Variants in DLGAP2 observed in about 807,000 individuals in gnomAD.
DLGAP2 encodes the protein disks large-associated protein 2.
DLGAP2 carries 26 observed loss-of-function variants against 100.3 expected under a neutral mutation model. That is an observed-to-expected ratio of 0.26 (90% CI 0.19 to 0.36). The LOEUF (loss-of-function observed/expected upper bound fraction) is 0.36. Ranked by LOEUF, DLGAP2 falls within the 10% of genes least tolerant of loss-of-function variation. The pLI is 1.00. For missense variants in DLGAP2, 1,858 were observed against 1,453.2 expected (o/e 1.28, Z -4.53); for synonymous variants, 886 against 630.1 (o/e 1.41, Z -6.08).
chr8:945,714 A>G (rs1799300593), intron 2 of DLGAP2, among the ~76,000 whole-genome samples: 1 of 152,184 alleles, frequency 6.6e-6, no homozygotes. Flanking sequence ...TTTATTGGGA[A>G]CATTTACAGG....
chr8:883,501 T>C lies in DLGAP2; in HGVS notation c.19-24411T>C, dbSNP rs936596010. Among the ~76,000 whole-genome samples the C allele has an allele frequency of 7.2e-5, 11 of 152,086 alleles. No individual in the cohort carries two copies. The South Asian group carries it at 8.3e-4, about 11-fold the overall frequency. On this transcript the variant is annotated intron_variant, in intron 1 of 14. Coordinates refer to ENST00000637795, the MANE Select transcript of DLGAP2 (RefSeq NM_001346810.2). ...ATATGCAAATGCATATTCTTTTTTT[T>C]CCCTTAATTTCTTCTTAAAAAAAAA...
At chr8:1,312,303 C>G (rs181207079) in intron 3 of DLGAP2, among the ~76,000 whole-genome samples, 52 of 152,270 alleles carry the variant, frequency 3.4e-4, no homozygotes, top group African/African-American at 1.1e-3. Flanking sequence ...GAGACCGCAC[C>G]GAAGGCACCT....
chr8:748,947 C>T (rs1820720556), intron 1 of DLGAP2, among the ~76,000 whole-genome samples: 1 of 152,238 alleles, frequency 6.6e-6, no homozygotes, highest in Non-Finnish European at 1.5e-5. Context: ...ATTTTGCTCT[C>T]TCTGTATCTG....
intron 2 of DLGAP2, among the ~76,000 whole-genome samples, chr8:1,232,852 G>C (rs981579798): frequency 3.9e-5 from 6 of 152,192 alleles, no homozygotes; most frequent in African/African-American, 1.2e-4. Flanking sequence ...GTGGCTTTTA[G>C]TGTGTTTGCA....
At position 1,509,685 on chromosome 8, in the gene DLGAP2, ATTC is replaced by A. The variant is rs1401286300; in HGVS notation, c.172+8257_172+8259del. ...TTCACCCACCTCTCCTGTTCTTCTCATTCTTTGTTTGTTAACAAAAAGAGAAGG... is the reference window on the plus strand; with the variant it reads ...TTCACCCACCTCTCCTGTTCTTCTCATTTGTTTGTTAACAAAAAGAGAAGG... On this transcript the variant is annotated intron_variant, in intron 4 of 14. Transcript: ENST00000637795. Among the ~76,000 whole-genome samples, 4 of 152,056 alleles carry A rather than the reference ATTC, an allele frequency of 2.6e-5. 1 individual carries two copies. Among genetic ancestry groups the A allele is most frequent in the African/African-American group, 4.8e-5 (2 of 41,418 alleles).
intron 3 of DLGAP2, among the ~76,000 whole-genome samples, chr8:1,272,954 A>T (rs907194875): frequency 6.6e-6 from 1 of 152,164 alleles, no homozygotes; most frequent in African/African-American, 2.4e-5. Flanking sequence ...GCCGTGGGTT[A>T]TGGAACCTGG....
chr8:782,738 A>G (rs1414926023), intron 1 of DLGAP2, among the ~76,000 whole-genome samples: 3 of 152,092 alleles, frequency 2.0e-5, no homozygotes, highest in Non-Finnish European at 4.4e-5. Flanking sequence ...CTTTACAACT[A>G]GTTAATTCAT....
chr8:1,004,667 T>G lies in DLGAP2; in HGVS notation c.73+96701T>G, dbSNP rs141994234. On this transcript the variant is annotated intron_variant, in intron 2 of 14. Coordinates refer to ENST00000637795, the MANE Select transcript of DLGAP2 (RefSeq NM_001346810.2). ...CACAGCTTAGAAGTGGTTACCAACTTAATTTCATTTTCTTAGGAAGGTGGG... is the reference window on the plus strand; with the variant it reads ...CACAGCTTAGAAGTGGTTACCAACTGAATTTCATTTTCTTAGGAAGGTGGG... Among the ~76,000 whole-genome samples the G allele has an allele frequency of 4.7e-4, 71 of 152,276 alleles. 1 individual carries two copies. In the Middle Eastern group the frequency reaches 0.017, roughly 36 times the overall value.
At chr8:1,427,967 T>C (rs1380043070) in intron 3 of DLGAP2, among the ~76,000 whole-genome samples, 1 of 152,196 alleles carries the variant, frequency 6.6e-6, no homozygotes, top group Admixed American at 6.5e-5. Context: ...TCAGTATTTG[T>C]AGGAAGACAG....
intron 1 of DLGAP2, among the ~76,000 whole-genome samples, chr8:882,121 T>C (rs28442151): frequency 0.46 from 70,316 of 152,128 alleles, 16,990 homozygotes; most frequent in Non-Finnish European, 0.53. Flanking sequence ...GGCTCCTTAA[T>C]AGAGAACTTA....
chr8:1,287,173 G>T (rs554263393), intron 3 of DLGAP2, among the ~76,000 whole-genome samples: 5 of 121,752 alleles, frequency 4.1e-5, no homozygotes, highest in Admixed American at 2.6e-4. Context: ...CGCGCGCGTG[G>T]TTCTGTTAGG....
At chr8:1,544,882 G>A (rs916804711) in intron 4 of DLGAP2, among the ~76,000 whole-genome samples, 6 of 151,866 alleles carry the variant, frequency 4.0e-5, no homozygotes, top group Non-Finnish European at 1.5e-5. Context: ...ACAGGCATGC[G>A]CCACCATGCC....
At chr8:1,421,590 A>G (rs1377134934) in intron 3 of DLGAP2, among the ~76,000 whole-genome samples, 2 of 152,208 alleles carry the variant, frequency 1.3e-5, no homozygotes, top group East Asian at 3.8e-4. Context: ...ATATTTTCAT[A>G]TATTGAAGAG....
At chr8:840,347 G>T (rs1316772188) in intron 1 of DLGAP2, among the ~76,000 whole-genome samples, 1 of 115,384 alleles carries the variant, frequency 8.7e-6, no homozygotes, top group Non-Finnish European at 1.8e-5. Flanking sequence ...GATTCTGCGA[G>T]CGCGTCTACA....
chr8:906,050 G>T (rs1451464547), intron 1 of DLGAP2, among the ~76,000 whole-genome samples: 1 of 152,244 alleles, frequency 6.6e-6, no homozygotes, highest in Non-Finnish European at 1.5e-5. Flanking sequence ...CGTCGGTGCT[G>T]GGGATGCCGG....
intron 1 of DLGAP2, among the ~76,000 whole-genome samples, chr8:803,376 C>T (rs377123959): frequency 6.6e-6 from 1 of 151,880 alleles, no homozygotes; most frequent in East Asian, 1.9e-4. Flanking sequence ...GGCTGTAAAC[C>T]CTCTACAAAT....
intron 5 of DLGAP2, among the ~76,000 whole-genome samples, chr8:1,556,640 G>A (rs1354573983): frequency 2.6e-5 from 4 of 152,174 alleles, no homozygotes; most frequent in East Asian, 1.9e-4. Context: ...AGCTCAGGCC[G>A]GTGAACTGCA....
intron 4 of DLGAP2, among the ~76,000 whole-genome samples, chr8:1,523,588 C>G (rs369779425): frequency 4.6e-5 from 7 of 152,344 alleles, no homozygotes; most frequent in African/African-American, 1.7e-4. Flanking sequence ...GTTTGGAGGA[C>G]AGCTGCTCCC....
intron 1 of DLGAP2, among the ~76,000 whole-genome samples, chr8:757,687 T>C (rs552961584): frequency 5.9e-5 from 9 of 152,340 alleles, no homozygotes; most frequent in Non-Finnish European, 1.0e-4. Flanking sequence ...ATCAGATGTC[T>C]TTGAATTAAA....
Sources: gnomAD v4.1 joint callset for allele counts (sites outside exome capture counted in the v4.1 genomes callset) on GRCh38, gnomAD v4.1.1 for gene constraint, MANE v1.5 for transcripts, NCBI Gene and HGNC (gene_info 2026-07-23, HGNC 2026-07-21) for gene names.